The following MCMDC2 variants were observed in gnomAD, a reference collection of about 807,000 sequenced individuals.
MCMDC2 encodes the protein minichromosome maintenance domain-containing protein 2.
MCMDC2 carries 54 observed loss-of-function variants against 75.8 expected under a neutral mutation model. That is an observed-to-expected ratio of 0.71 (90% confidence interval 0.57 to 0.89). MCMDC2 has a LOEUF of 0.89. Among genes scored for constraint, MCMDC2 ranks in the 40% least tolerant of loss-of-function variants. The pLI is 0.00. For synonymous variants in MCMDC2, 249 were observed against 274.6 expected, an observed-to-expected ratio of 0.91 and a Z score of 0.92; for missense variants, 656 against 780.4, an observed-to-expected ratio of 0.84 and a Z score of 1.90.
intron 8 of MCMDC2, among the ~76,000 whole-genome samples, chr8:66,882,264 C>T (rs983010516): frequency 6.6e-6 from 1 of 152,224 alleles, no homozygotes; most frequent in East Asian, 1.9e-4. Flanking sequence ...TGTGCTCTTG[C>T]ATGAGGAACA....
chr8:66,901,674 G>A (rs111575329), intron 13 of MCMDC2: 1 of 1,030,014 alleles, frequency 9.7e-7, no homozygotes, highest in Non-Finnish European at 1.2e-6. Flanking sequence ...GCTCACACCT[G>A]TAATCCCAGC....
intron 1 of MCMDC2, among the ~76,000 whole-genome samples, chr8:66,873,195 C>A (rs1025852974): frequency 1.3e-5 from 2 of 152,242 alleles, no homozygotes; most frequent in Non-Finnish European, 2.9e-5. Context: ...ATTCTTTACT[C>A]ATTACTGTGG....
At chr8:66,922,175 C>A (rs1383839642), downstream of MCMDC2, 1 of 166,480 alleles carries the variant, frequency 6.0e-6, no homozygotes, top group Non-Finnish European at 1.3e-5. Flanking sequence ...TCTCATATAA[C>A]CTCAATATTC....
chr8:66,881,056 T>C (rs1262519583), intron 8 of MCMDC2, 82 bp downstream of exon 8: 12 of 1,116,494 alleles, frequency 1.1e-5, no homozygotes, highest in South Asian at 5.6e-5. Flanking sequence ...TGTTTGCCTA[T>C]GTGCTAGGCA....
intron 14 of MCMDC2, among the ~76,000 whole-genome samples, chr8:66,914,783 A>G (rs1813240818): frequency 6.6e-6 from 1 of 152,228 alleles, no homozygotes; most frequent in Non-Finnish European, 1.5e-5. Context: ...GAGAGATTCA[A>G]CTAGGTAGAG....
chr8:66,892,773 A>C (rs1254062432), intron 10 of MCMDC2, among the ~76,000 whole-genome samples: 2 of 152,162 alleles, frequency 1.3e-5, no homozygotes, highest in East Asian at 3.9e-4. Context: ...TCCACCAGGG[A>C]CCTGCCCCTA....
Position 66,878,645 on chromosome 8 carries a change from A to T in MCMDC2, c.553A>T (p.Asn185Tyr). ...AACGATAAGAAATGACTTTTTGTGT[A>T]ATCTATGTGCATCTTCACTTCAAGA... is the stretch of plus-strand genomic sequence containing the variant. ...SATIRNDFLC[N>Y]LCASSLQEDR... is the part of the protein sequence containing the mutation. Residue 185 changes from asparagine to tyrosine, a missense_variant, in exon 6 of 15, where the codon AAT (asparagine) becomes TAT (tyrosine). Physicochemically the swap from Asn to Tyr is moderately radical, Grantham distance 143. Coordinates refer to ENST00000422365, the MANE Select transcript of MCMDC2 (RefSeq NM_173518.5). 6.4e-7 allele frequency: 1 copy of T among 1,573,134 alleles called. No homozygotes were observed. Among genetic ancestry groups the T allele is most frequent in the Non-Finnish European group, 8.6e-7 (1 of 1,166,394 alleles).
At chr8:66,901,593 C>A in intron 13 of MCMDC2, 1 of 1,162,876 alleles carries the variant, frequency 8.6e-7, no homozygotes. Flanking sequence ...TGAGATATGT[C>A]TGGGAAAAGT....
chr8:66,903,760 TG>T (rs1254564449), intron 13 of MCMDC2, among the ~76,000 whole-genome samples: 1 of 152,180 alleles, frequency 6.6e-6, no homozygotes, highest in African/African-American at 2.4e-5. Flanking sequence ...GAAGTGGAGC[TG>T]AACAATACTT....
In MCMDC2 at chr8:66,920,523, TGTA is replaced by T. The variant is rs1813485488; in HGVS notation, c.*1357_*1359del. 6.6e-6 allele frequency: 1 copy of T among 152,204 alleles called. No homozygotes were observed. 9.4% of individuals were successfully genotyped at this position (152,204 alleles called of 1,614,324 possible). ...GGTATGAGCCAACACGACTGGCGACTGTAGTTTTCAACAAAATACTTACATATT... is the reference window on the plus strand; with the variant it reads ...GGTATGAGCCAACACGACTGGCGACTGTTTTCAACAAAATACTTACATATT... On this transcript the variant is annotated 3_prime_UTR_variant, in exon 15 of 15. Coordinates refer to ENST00000422365, the MANE Select transcript of MCMDC2 (RefSeq NM_173518.5).
chr8:66,879,994 C>G (rs1811484534), intron 7 of MCMDC2, among the ~76,000 whole-genome samples: 1 of 152,154 alleles, frequency 6.6e-6, no homozygotes, highest in African/African-American at 2.4e-5. Context: ...TACAACCAAC[C>G]AACTTCTAAC....
rs1395324338 is a variant in MCMDC2 at position 66,920,188 on chromosome 8, T to C, written c.*1019T>C. The stretch of plus-strand genomic sequence containing the variant: ...AAGTTGTTCACTATTACTGAATACC[T>C]ACTAGTAGCAGGGAGTAAACAGTAT... On this transcript the variant is annotated 3_prime_UTR_variant, in exon 15 of 15. Transcript: ENST00000422365. The C allele has an allele frequency of 6.6e-6, 1 of 152,226 alleles. No individual in the cohort carries two copies. The highest frequency in any genetic ancestry group is 1.5e-5 in the Non-Finnish European group (1 of 68,066). 9.4% of individuals were successfully genotyped at this position (152,226 alleles called of 1,614,324 possible).
intron 14 of MCMDC2, among the ~76,000 whole-genome samples, chr8:66,910,579 G>A (rs1395111895): frequency 1.3e-5 from 2 of 152,176 alleles, no homozygotes; most frequent in African/African-American, 4.8e-5. Context: ...GGAGGCTGAG[G>A]CGGGTGGATC....
At position 66,874,367 on chromosome 8, in the gene MCMDC2, A is replaced by G. The variant is rs1445381072; in HGVS notation, c.136A>G (p.Ile46Val). 6.2e-7 allele frequency: 1 copy of G among 1,612,936 alleles called. No homozygotes were observed. Among genetic ancestry groups the G allele is most frequent in the Admixed American group, 1.7e-5 (1 of 59,858 alleles). ...SYAVYRFKIL[I>V]NPSDVVELDA... is the part of the protein sequence containing the mutation. Reference sequence around the variant, plus strand: ...TGCTGTCTATCGATTCAAAATTTTAATAAATCCCTCTGATGTTGTTGAATT... The same window carrying G: ...TGCTGTCTATCGATTCAAAATTTTAGTAAATCCCTCTGATGTTGTTGAATT... Residue 46 changes from isoleucine (I) to valine (V), a missense_variant, in exon 3 of 15, where the codon ATA becomes GTA. Physicochemically the swap from Ile to Val is conservative, Grantham distance 29. Transcript: ENST00000422365.
rs961586876 is a variant in MCMDC2 at position 66,913,962 on chromosome 8, T to TAA, written c.1880-5019_1880-5018dup. 3.2e-3 allele frequency among the ~76,000 whole-genome samples: 252 copies of TAA among 78,542 alleles called. 3 individuals are homozygous for TAA. Among genetic ancestry groups the TAA allele is most frequent in the African/African-American group, 0.012 (236 of 19,634 alleles). The allele number at this position is 78,542 out of a possible 152,430, so 51.5% of individuals were successfully genotyped here. On this transcript the variant is annotated intron_variant, in intron 14 of 14. Coordinates refer to ENST00000422365, the MANE Select transcript of MCMDC2 (RefSeq NM_173518.5). The stretch of plus-strand genomic sequence containing the variant: ...CTGGGTGACAGAGCAAGACTCTGTC[T>TAA]AAAAAAAAAAAAAAAAAAAAAAAGT...
chr8:66,898,581 G>A (rs1195535743), intron 12 of MCMDC2, among the ~76,000 whole-genome samples: 8 of 144,800 alleles, frequency 5.5e-5, no homozygotes, highest in Admixed American at 3.6e-4. Context: ...CCGAGATTGC[G>A]CCACTGCACT....
At chr8:66,881,107 C>T (rs1811537857) in intron 8 of MCMDC2, 133 bp downstream of exon 8, 1 of 676,994 alleles carries the variant, frequency 1.5e-6, no homozygotes, top group Admixed American at 4.3e-5. Context: ...ACAGGACAGT[C>T]AAGGTTTCTG....
chr8:66,875,917 T>G (rs1811261766), intron 4 of MCMDC2, among the ~76,000 whole-genome samples: 1 of 152,206 alleles, frequency 6.6e-6, no homozygotes, highest in Admixed American at 6.5e-5. Context: ...AACCTCATAT[T>G]TCTAAAATAG....
chr8:66,914,845 A>T (rs1424168671), intron 14 of MCMDC2, among the ~76,000 whole-genome samples: 1 of 152,118 alleles, frequency 6.6e-6, no homozygotes, highest in Non-Finnish European at 1.5e-5. Flanking sequence ...TTAGATGCAC[A>T]AACCAATAGG....
Sources: gnomAD v4.1 joint callset for allele counts (sites outside exome capture counted in the v4.1 genomes callset) on GRCh38, gnomAD v4.1.1 for gene constraint, MANE v1.5 for transcripts, NCBI Gene and HGNC (gene_info 2026-07-23, HGNC 2026-07-21) for gene names.